The following ANKRD45 variants were observed in gnomAD, a reference collection of about 807,000 sequenced individuals.
ANKRD45 encodes the protein ankyrin repeat domain-containing protein 45.
In ANKRD45, 21 loss-of-function variants were observed where a neutral mutation model predicts 28.1. The observed-to-expected ratio is 0.75, with a 90% confidence interval of 0.53 to 1.08. The LOEUF (loss-of-function observed/expected upper bound fraction) is 1.08, where lower values mean the gene tolerates loss of function less well. Ranked by LOEUF, ANKRD45 falls within the 50% of genes least tolerant of loss-of-function variation. The pLI is 0.00. For missense variants in ANKRD45, 261 were observed against 308.7 expected, an observed-to-expected ratio of 0.85 and a Z score of 1.16; for synonymous variants, 86 against 103.9, an observed-to-expected ratio of 0.83 and a Z score of 1.05.
At chr1:173,706,231 G>A in the ANKRD45 span, among the ~76,000 whole-genome samples, 100 of 150,630 alleles carry the variant, frequency 6.6e-4, 1 homozygote, top group African/African-American at 2.2e-3. Context: ...GAACCTGGGT[G>A]GTGGAGGTTG....
the ANKRD45 span, among the ~76,000 whole-genome samples, chr1:173,683,935 C>T: frequency 6.6e-6 from 1 of 152,184 alleles, no homozygotes; most frequent in Non-Finnish European, 1.5e-5. Flanking sequence ...GTTCTTATCC[C>T]TGACACATGT....
chr1:173,648,271 C>T (rs1377144510), intron 2 of ANKRD45, among the ~76,000 whole-genome samples: 1 of 152,008 alleles, frequency 6.6e-6, no homozygotes, highest in Non-Finnish European at 1.5e-5. Context: ...GAGACAGAGT[C>T]TCAGTATATT....
chr1:173,653,822 T>C (rs1244170596), intron 2 of ANKRD45, among the ~76,000 whole-genome samples: 1 of 152,202 alleles, frequency 6.6e-6, no homozygotes, highest in East Asian at 1.9e-4. Context: ...TTAGCTCTTC[T>C]TGTTGAATTG....
the ANKRD45 span, among the ~76,000 whole-genome samples, chr1:173,709,539 C>A: frequency 6.6e-6 from 1 of 152,106 alleles, no homozygotes; most frequent in South Asian, 2.1e-4. Context: ...GCATGAACAC[C>A]AAGAGGCATA....
intron 5 of ANKRD45, among the ~76,000 whole-genome samples, chr1:173,617,610 T>C (rs1667519486): frequency 6.6e-6 from 1 of 152,254 alleles, no homozygotes; most frequent in Non-Finnish European, 1.5e-5. Flanking sequence ...GCCAGGGTTA[T>C]ACAGACATAA....
At chr1:173,614,385 A>G (rs1350734134) in intron 5 of ANKRD45, among the ~76,000 whole-genome samples, 1 of 152,240 alleles carries the variant, frequency 6.6e-6, no homozygotes, top group Admixed American at 6.5e-5. Flanking sequence ...AATTTTGTAT[A>G]ACTATCTCTG....
chr1:173,662,380 A>G (rs1442901647), intron 1 of ANKRD45, among the ~76,000 whole-genome samples: 2 of 152,214 alleles, frequency 1.3e-5, no homozygotes, highest in Non-Finnish European at 2.9e-5. Flanking sequence ...ACCCTACATT[A>G]ATCCCTTCCT....
At chr1:173,703,486 G>A in the ANKRD45 span, among the ~76,000 whole-genome samples, 1 of 152,096 alleles carries the variant, frequency 6.6e-6, no homozygotes, top group Non-Finnish European at 1.5e-5. Flanking sequence ...GCTTACAGGT[G>A]TCAATCACCG....
intron 1 of ANKRD45, among the ~76,000 whole-genome samples, chr1:173,662,701 C>T (rs1377250604): frequency 6.6e-6 from 1 of 152,108 alleles, no homozygotes; most frequent in African/African-American, 2.4e-5. Context: ...TCAATCCTTC[C>T]AATCCCTCTT....
chr1:173,641,540 G>T lies in ANKRD45; in HGVS notation c.496+5306C>A, dbSNP rs573558749. 2.6e-5 allele frequency among the ~76,000 whole-genome samples: 4 copies of T among 152,316 alleles called. No individual in the cohort carries two copies. In the South Asian group the frequency reaches 6.2e-4, roughly 24 times the overall value. Reference sequence around the variant, plus strand: ...GCATAAAAAGATGCAAGGAGCTCAGGCCTTTCCAGAAGCTTGTTCATCAGT... The same window carrying T: ...GCATAAAAAGATGCAAGGAGCTCAGTCCTTTCCAGAAGCTTGTTCATCAGT... On this transcript the variant is annotated intron_variant, in intron 3 of 5. Coordinates refer to ENST00000333279, the MANE Select transcript of ANKRD45 (RefSeq NM_198493.3).
At chr1:173,658,363 T>C (rs1669639429) in intron 2 of ANKRD45, 1 of 152,348 alleles carries the variant, frequency 6.6e-6, no homozygotes, top group East Asian at 1.9e-4. Context: ...TGAAGTGTGT[T>C]CTTGTTTTCA....
At chr1:173,688,165 T>G in the ANKRD45 span, among the ~76,000 whole-genome samples, 2 of 152,228 alleles carry the variant, frequency 1.3e-5, no homozygotes, top group Non-Finnish European at 2.9e-5. Flanking sequence ...TTGTTTACAC[T>G]GACAACAAGG....
At chr1:173,692,897 C>T in the ANKRD45 span, among the ~76,000 whole-genome samples, 4 of 152,292 alleles carry the variant, frequency 2.6e-5, no homozygotes, top group East Asian at 7.7e-4. Flanking sequence ...TGTGTGAAAC[C>T]ACGTTCACCC....
intron 2 of ANKRD45, among the ~76,000 whole-genome samples, chr1:173,649,204 A>G (rs1243097837): frequency 6.6e-6 from 1 of 152,184 alleles, no homozygotes; most frequent in Non-Finnish European, 1.5e-5. Context: ...GTCTTCTTGT[A>G]AGCATGTGTG....
the ANKRD45 span, among the ~76,000 whole-genome samples, chr1:173,679,200 A>G: frequency 6.6e-6 from 1 of 152,230 alleles, no homozygotes; most frequent in Non-Finnish European, 1.5e-5. Flanking sequence ...AAACTACTTT[A>G]AAGTTCATAT....
intron 3 of ANKRD45, among the ~76,000 whole-genome samples, chr1:173,632,828 C>G (rs1485274661): frequency 6.6e-6 from 1 of 151,960 alleles, no homozygotes; most frequent in Non-Finnish European, 1.5e-5. Flanking sequence ...CCTCAAAAAA[C>G]TGGGTATAGT....
At chr1:173,682,269 T>A in the ANKRD45 span, among the ~76,000 whole-genome samples, 1 of 152,098 alleles carries the variant, frequency 6.6e-6, no homozygotes, top group African/African-American at 2.4e-5. Flanking sequence ...TTAAAAAAAT[T>A]TTTTTTAAAC....
intron 3 of ANKRD45, among the ~76,000 whole-genome samples, chr1:173,631,665 G>C (rs902968981): frequency 1.3e-5 from 2 of 152,010 alleles, no homozygotes; most frequent in Non-Finnish European, 2.9e-5. Flanking sequence ...AATAAAGCTA[G>C]AAATCAATAA....
At chr1:173,655,164 G>C (rs1044870630) in intron 2 of ANKRD45, among the ~76,000 whole-genome samples, 2 of 152,032 alleles carry the variant, frequency 1.3e-5, no homozygotes, top group African/African-American at 4.8e-5. Context: ...GTGATCCTTT[G>C]GAGAAGAGGT....
Sources: gnomAD v4.1 joint callset for allele counts (sites outside exome capture counted in the v4.1 genomes callset) on GRCh38, gnomAD v4.1.1 for gene constraint, MANE v1.5 for transcripts, NCBI Gene and HGNC (gene_info 2026-07-23, HGNC 2026-07-21) for gene names.